Variants in ABCC1 observed in about 807,000 individuals in gnomAD.
The protein encoded by ABCC1 is multidrug resistance-associated protein 1.
In ABCC1, 83 loss-of-function variants were observed where a neutral mutation model predicts 172.9. The ratio of observed to expected loss-of-function variants is 0.48; its 90% CI spans 0.40 to 0.58. The LOEUF is 0.58. Among genes scored for constraint, ABCC1 ranks in the 20% least tolerant of loss-of-function variants. ABCC1 has a pLI of 0.00. For missense variants in ABCC1, 1,817 were observed against 2,002.7 expected (o/e 0.91, Z 1.77); for synonymous variants, 937 against 825.2 (o/e 1.14, Z -2.32).
chr16:16,033,700 A>G (rs1247529417), intron 6 of ABCC1, among the ~76,000 whole-genome samples: 1 of 151,874 alleles, frequency 6.6e-6, no homozygotes, highest in Non-Finnish European at 1.5e-5. Context: ...TCAGCTCACT[A>G]CAAGTCTCCG....
chr16:15,958,610 C>T (rs2151491583), intron 1 of ABCC1, among the ~76,000 whole-genome samples: 1 of 152,284 alleles, frequency 6.6e-6, no homozygotes, highest in South Asian at 2.1e-4. Context: ...TTAGTGTGGT[C>T]AGTACAACTC....
chr16:16,122,198 G>T (rs777113552), intron 24 of ABCC1, 24 bp downstream of exon 24: 1 of 1,613,006 alleles, frequency 6.2e-7, no homozygotes, highest in Non-Finnish European at 8.5e-7. Context: ...GCCTGCAGGA[G>T]CGGGTGGAGG....
intron 5 of ABCC1, among the ~76,000 whole-genome samples, chr16:16,029,835 G>A (rs572203838): frequency 1.3e-5 from 2 of 152,192 alleles, no homozygotes; most frequent in Non-Finnish European, 2.9e-5. Context: ...GATCAATATA[G>A]GTAGACCTTG....
At chr16:15,992,360 G>A (rs770387411) in intron 1 of ABCC1, among the ~76,000 whole-genome samples, 6 of 152,010 alleles carry the variant, frequency 3.9e-5, no homozygotes, top group Non-Finnish European at 5.9e-5. Flanking sequence ...GTGAAAAATC[G>A]TCTTCCACAA....
chr16:16,135,125 A>C (rs2045871152), intron 28 of ABCC1, among the ~76,000 whole-genome samples: 1 of 152,208 alleles, frequency 6.6e-6, no homozygotes, highest in Admixed American at 6.5e-5. Context: ...CCAGAGTCAG[A>C]CTGAGCATCT....
chr16:15,959,117 G>A (rs992559192), intron 1 of ABCC1, among the ~76,000 whole-genome samples: 2 of 152,170 alleles, frequency 1.3e-5, no homozygotes, highest in Non-Finnish European at 2.9e-5. Flanking sequence ...GTGGGCTGTC[G>A]AAATTCTAGT....
intron 12 of ABCC1, among the ~76,000 whole-genome samples, chr16:16,061,269 A>G (rs1023194192): frequency 1.3e-5 from 2 of 152,194 alleles, no homozygotes; most frequent in East Asian, 1.9e-4. Context: ...GCATATGGTG[A>G]AACATAATTA....
intron 11 of ABCC1, 149 bp downstream of exon 11, chr16:16,052,965 G>T (rs1425503318): frequency 2.4e-5 from 16 of 676,976 alleles, no homozygotes; most frequent in Non-Finnish European, 3.6e-5. Context: ...AACAAATGCT[G>T]ATGCCCCGGC....
chr16:16,141,353 C>G lies in ABCC1; in HGVS notation c.*72C>G. On this transcript the variant is annotated 3_prime_UTR_variant, in exon 31 of 31. Coordinates refer to ENST00000399410, the MANE Select transcript of ABCC1 (RefSeq NM_004996.4). ...AGCGCCCAGGGAGGAGTCAGTACCC[C>G]TGGTAAACCAAGCCTCCCACACTGA... is the stretch of plus-strand genomic sequence containing the variant. The G allele has an allele frequency of 7.1e-7, 1 of 1,415,222 alleles. No individual in the cohort carries two copies. Among genetic ancestry groups the G allele is most frequent in the South Asian group, 1.2e-5 (1 of 84,910 alleles). 87.7% of individuals were successfully genotyped at this position (1,415,222 alleles called of 1,614,324 possible).
At chr16:16,121,894 A>G in intron 23 of ABCC1, 81 bp from the exon 24 acceptor site, 1 of 1,493,184 alleles carries the variant, frequency 6.7e-7, no homozygotes, top group Non-Finnish European at 9.3e-7. Context: ...TTACGTCTAG[A>G]TGTTCTCCAG....
intron 5 of ABCC1, among the ~76,000 whole-genome samples, chr16:16,027,201 G>T (rs1597137815): frequency 6.6e-6 from 1 of 152,140 alleles, no homozygotes; most frequent in Non-Finnish European, 1.5e-5. Context: ...TTGGTATGTT[G>T]TGGGGGTTGA....
chr16:15,963,010 G>A (rs965906312), intron 1 of ABCC1, among the ~76,000 whole-genome samples: 2 of 152,184 alleles, frequency 1.3e-5, no homozygotes, highest in African/African-American at 4.8e-5. Flanking sequence ...CTATCAGCCT[G>A]TAAAATCAAA....
chr16:16,014,851 T>G (rs1187559428), intron 4 of ABCC1, among the ~76,000 whole-genome samples: 1 of 152,180 alleles, frequency 6.6e-6, no homozygotes, highest in East Asian at 1.9e-4. Flanking sequence ...CTGATTTGTC[T>G]GTGTTGCTCC....
chr16:16,102,583 G>T, intron 19 of ABCC1, 44 bp from the exon 20 acceptor site: 2 of 1,540,494 alleles, frequency 1.3e-6, no homozygotes, highest in Non-Finnish European at 1.8e-6. Context: ...TTTAGCATCT[G>T]CCTCATATAA....
chr16:16,134,291 G>T (rs537583498), intron 27 of ABCC1, 59 bp from the exon 28 acceptor site: 120 of 1,602,240 alleles, frequency 7.5e-5, no homozygotes, highest in Non-Finnish European at 8.3e-5. Context: ...GGCACTTTGG[G>T]GCAGGGACAA....
intron 7 of ABCC1, among the ~76,000 whole-genome samples, chr16:16,037,797 G>A (rs755064907): frequency 3.9e-5 from 6 of 152,196 alleles, no homozygotes; most frequent in Admixed American, 1.3e-4. Flanking sequence ...CAGATGGTGG[G>A]TGGGAATCTG....
chr16:16,048,310 G>A lies in ABCC1; in HGVS notation c.1380+7G>A. On this transcript the variant is annotated splice_region_variant and intron_variant, in intron 10 of 30. Coordinates refer to ENST00000399410, the MANE Select transcript of ABCC1 (RefSeq NM_004996.4). ...TCTCTACCTCCTGTGGCTGGTGTGTGTTTAACGCCGTTTCCCTTTGCATGC... is the reference window on the plus strand; with the variant it reads ...TCTCTACCTCCTGTGGCTGGTGTGTATTTAACGCCGTTTCCCTTTGCATGC... 6.2e-7 allele frequency: 1 copy of A among 1,613,756 alleles called. No homozygotes were observed. Among genetic ancestry groups the A allele is most frequent in the Non-Finnish European group, 8.5e-7 (1 of 1,179,714 alleles).
chr16:16,014,512 C>A lies in ABCC1; in HGVS notation c.373C>A (p.Gln125Lys). Residue 125 changes from glutamine (Q) to lysine (K), a missense_variant, in exon 4 of 31, where the codon CAG becomes AAG. By Grantham distance (53) the Gln-to-Lys change is moderately conservative. This residue lies in a region of ABCC1 where 398 missense variants were observed against 384.2 expected (regional missense o/e 1.04). Coordinates refer to ENST00000399410, the MANE Select transcript of ABCC1 (RefSeq NM_004996.4). ...ITMLLATFLI[Q>K]LERRKGVQSS... Reference sequence around the variant, plus strand: ...TCAGCTGCTTGCTACCTTTTTAATTCAGCTGGAGAGGAGGAAGGGAGTTCA... The same window carrying A: ...TCAGCTGCTTGCTACCTTTTTAATTAAGCTGGAGAGGAGGAAGGGAGTTCA... The A allele has an allele frequency of 6.2e-7, 1 of 1,614,018 alleles. No individual in the cohort carries two copies. Among genetic ancestry groups the A allele is most frequent in the Non-Finnish European group, 8.5e-7 (1 of 1,179,980 alleles).
chr16:16,007,245 A>AGT (rs1281737266), intron 1 of ABCC1, among the ~76,000 whole-genome samples: 1 of 116,372 alleles, frequency 8.6e-6, no homozygotes, highest in African/African-American at 2.9e-5. Context: ...TGTGTGTGTG[A>AGT]GAGACAGGGT....
Sources: allele counts gnomAD v4.1 joint callset (sites outside exome capture counted in the v4.1 genomes callset), GRCh38; gene constraint gnomAD v4.1.1; regional missense constraint gnomAD v4.1.1; transcripts MANE v1.5; gene names NCBI Gene and HGNC (gene_info 2026-07-23, HGNC 2026-07-21).